Variants in SEMA6D observed in about 807,000 individuals in gnomAD.
SEMA6D encodes semaphorin 6D.
SEMA6D carries 35 observed loss-of-function variants against 106.6 expected under a neutral mutation model. The observed-to-expected ratio is 0.33, with a 90% CI of 0.25 to 0.44. The LOEUF is 0.44. Ranked by LOEUF, SEMA6D falls within the 20% of genes least tolerant of loss-of-function variation. The probability of loss-of-function intolerance (pLI) is 1.00; values close to 1 mark genes in which losing one functional copy is unlikely to be tolerated. For missense variants in SEMA6D, 1,185 were observed against 1,345.9 expected (o/e 0.88, Z 1.87); for synonymous variants, 499 against 487.7 (o/e 1.02, Z -0.31).
chr15:47,642,778 A>G (rs1228575428), intron 4 of SEMA6D, among the ~76,000 whole-genome samples: 2 of 152,206 alleles, frequency 1.3e-5, no homozygotes, highest in Non-Finnish European at 2.9e-5. Context: ...GCAGGAAGGC[A>G]GCAGGAGTTG....
intron 4 of SEMA6D, among the ~76,000 whole-genome samples, chr15:47,675,945 T>TGGGGAGG (rs908911536): frequency 4.1e-5 from 1 of 24,458 alleles, no homozygotes; most frequent in Non-Finnish European, 8.6e-5. Context: ...TTTGATGGAA[T>TGGGGAGG]GGGGAGGGGG....
intron 1 of SEMA6D, chr15:47,380,486 G>A (rs1398563788): frequency 3.3e-5 from 5 of 152,166 alleles, no homozygotes; most frequent in Admixed American, 6.5e-5. Context: ...AGGTTCTTTA[G>A]GGACATGCCT....
chr15:47,561,681 T>A (rs1031393142), intron 3 of SEMA6D, among the ~76,000 whole-genome samples: 19 of 151,614 alleles, frequency 1.3e-4, no homozygotes, highest in Middle Eastern at 3.5e-3. Flanking sequence ...TAGGATATTT[T>A]AAATATAGGT....
At chr15:47,740,371 T>G (rs1469122472) in intron 1 of SEMA6D, among the ~76,000 whole-genome samples, 1 of 151,712 alleles carries the variant, frequency 6.6e-6, no homozygotes, top group African/African-American at 2.4e-5. Flanking sequence ...ATACAAAAAT[T>G]TAACTGGGCA....
chr15:47,371,290 C>T (rs1289413670), intron 1 of SEMA6D, among the ~76,000 whole-genome samples: 1 of 152,210 alleles, frequency 6.6e-6, no homozygotes, highest in Non-Finnish European at 1.5e-5. Context: ...AAGGATGACA[C>T]ATGTTTAACT....
At chr15:47,617,785 T>A (rs980023812) in intron 4 of SEMA6D, among the ~76,000 whole-genome samples, 1 of 152,194 alleles carries the variant, frequency 6.6e-6, no homozygotes, top group East Asian at 1.9e-4. Flanking sequence ...AGCTAGAGAT[T>A]AATTGAGTTA....
chr15:47,351,479 C>A (rs546850520), intron 1 of SEMA6D, among the ~76,000 whole-genome samples: 1 of 152,078 alleles, frequency 6.6e-6, no homozygotes, highest in Admixed American at 6.6e-5. Flanking sequence ...ATTTAATCTG[C>A]AGAACAACCC....
At chr15:47,442,963 A>G (rs1383989576) in intron 2 of SEMA6D, among the ~76,000 whole-genome samples, 1 of 152,150 alleles carries the variant, frequency 6.6e-6, no homozygotes, top group African/African-American at 2.4e-5. Context: ...ACCAAATAGT[A>G]TTCTCCAGAA....
chr15:47,594,754 G>A (rs1454536403), intron 3 of SEMA6D, among the ~76,000 whole-genome samples: 3 of 152,126 alleles, frequency 2.0e-5, no homozygotes, highest in African/African-American at 7.2e-5. Context: ...AGCCAAAATG[G>A]GAGCACAGGG....
chr15:47,423,840 C>T (rs166835), intron 2 of SEMA6D, among the ~76,000 whole-genome samples: 89,605 of 151,674 alleles, frequency 0.59, 26,775 homozygotes, highest in East Asian at 0.73. Context: ...TAAAACCCAC[C>T]AGAGTTTAGC....
At chr15:47,433,943 T>C (rs2041619118) in intron 2 of SEMA6D, among the ~76,000 whole-genome samples, 1 of 152,144 alleles carries the variant, frequency 6.6e-6, no homozygotes, top group Non-Finnish European at 1.5e-5. Context: ...AACTATGAGA[T>C]GGACTTTCAG....
Position 47,628,044 on chromosome 15 carries a change from T to C in SEMA6D, c.-55+27148T>C, listed in dbSNP as rs149965193. Among the ~76,000 whole-genome samples the C allele has an allele frequency of 1.1e-4, 17 of 152,256 alleles. 1 individual carries two copies. In the Middle Eastern group the frequency reaches 0.014, roughly 122 times the overall value. On this transcript the variant is annotated intron_variant, in intron 4 of 19. Coordinates refer to the SEMA6D transcript ENST00000558014. Reference sequence around the variant, plus strand: ...TTGTTTCTGTTTCACTGCTAGGTACTATTACATGCTATTAGCCTACCCCTC... The same window carrying C: ...TTGTTTCTGTTTCACTGCTAGGTACCATTACATGCTATTAGCCTACCCCTC...
At chr15:47,185,290 G>T (rs1893484385) in intron 1 of SEMA6D, among the ~76,000 whole-genome samples, 1 of 152,170 alleles carries the variant, frequency 6.6e-6, no homozygotes, top group Non-Finnish European at 1.5e-5. Flanking sequence ...AGAGAAAACC[G>T]CTCCTGAGTG....
intron 3 of SEMA6D, among the ~76,000 whole-genome samples, chr15:47,489,948 G>A (rs183632872): frequency 2.0e-5 from 3 of 152,034 alleles, no homozygotes; most frequent in African/African-American, 7.2e-5. Context: ...CACCACTCTC[G>A]GCTGCACAGT....
intron 1 of SEMA6D, among the ~76,000 whole-genome samples, chr15:47,206,994 T>G (rs1306004869): frequency 6.6e-6 from 1 of 152,098 alleles, no homozygotes; most frequent in Non-Finnish European, 1.5e-5. Flanking sequence ...AGGGAAAACC[T>G]ACCACTACTC....
intron 3 of SEMA6D, among the ~76,000 whole-genome samples, chr15:47,494,765 T>A (rs1302285772): frequency 1.1e-5 from 1 of 93,190 alleles, no homozygotes; most frequent in Non-Finnish European, 2.1e-5. Flanking sequence ...TATATATATA[T>A]ATATATATAT....
chr15:47,605,867 A>C (rs926725134), intron 4 of SEMA6D, among the ~76,000 whole-genome samples: 2 of 152,154 alleles, frequency 1.3e-5, no homozygotes, highest in Admixed American at 1.3e-4. Context: ...TCCATTGTTT[A>C]GGGGCTTTTT....
chr15:47,474,419 C>T (rs1344528155), intron 3 of SEMA6D, among the ~76,000 whole-genome samples: 1 of 152,074 alleles, frequency 6.6e-6, no homozygotes, highest in Non-Finnish European at 1.5e-5. Context: ...TAAACAAAAA[C>T]TACACTTTTA....
At chr15:47,518,883 GT>G (rs2141899272) in intron 3 of SEMA6D, among the ~76,000 whole-genome samples, 1 of 152,094 alleles carries the variant, frequency 6.6e-6, no homozygotes, top group Non-Finnish European at 1.5e-5. Context: ...CCCTGAGGCT[GT>G]TTTGCAGTTA....
Sources: allele counts gnomAD v4.1 joint callset (sites outside exome capture counted in the v4.1 genomes callset), GRCh38; gene constraint gnomAD v4.1.1; transcripts MANE v1.5; gene names NCBI Gene and HGNC (gene_info 2026-07-23, HGNC 2026-07-21).